ARHGAP8: variants seen among roughly 807,000 people sequenced by gnomAD.
The protein encoded by ARHGAP8 is rho GTPase-activating protein 8.
ARHGAP8 carries 62 observed loss-of-function variants against 46.1 expected under a neutral mutation model. The observed-to-expected ratio is 1.34, with a 90% confidence interval of 1.10 to 1.66. The LOEUF (loss-of-function observed/expected upper bound fraction) is 1.66, where lower values mean the gene tolerates loss of function less well. ARHGAP8 is among the 40% of genes most tolerant of loss of function. The probability of loss-of-function intolerance (pLI) is 0.00; values close to 1 mark genes in which losing one functional copy is unlikely to be tolerated. For synonymous variants in ARHGAP8, 375 were observed against 243.1 expected (o/e 1.54, Z -5.05); for missense variants, 923 against 568.4 (o/e 1.62, Z -6.34).
rs1241305539 is a variant in ARHGAP8 at position 44,860,512 on chromosome 22, C to G, written c.981+678C>G. Among the ~76,000 whole-genome samples the G allele has an allele frequency of 2.0e-5, 3 of 149,154 alleles. No homozygotes were observed. In the Admixed American group the frequency reaches 2.0e-4, roughly 10 times the overall value. The stretch of plus-strand genomic sequence containing the variant: ...GCCATATGTCACTGGGTTTAGGACC[C>G]ACCCAGATGACGCGGGATGATCTCA... On this transcript the variant is annotated intron_variant, in intron 11 of 11. Transcript: ENST00000356099.
chr22:44,821,303 A>G (rs1043494854), intron 5 of ARHGAP8, among the ~76,000 whole-genome samples: 1 of 151,956 alleles, frequency 6.6e-6, no homozygotes, highest in Non-Finnish European at 1.5e-5. Context: ...GGTGGTGTGC[A>G]CCTTAATCCC....
intron 2 of ARHGAP8, among the ~76,000 whole-genome samples, chr22:44,790,721 A>G (rs76161865): frequency 1 from 125,211 of 125,572 alleles, 62,427 homozygotes; most frequent in Middle Eastern, 1. Context: ...GCCCTGGGAA[A>G]GAACCTGGCC....
intron 7 of ARHGAP8, among the ~76,000 whole-genome samples, chr22:44,825,974 C>G (rs1358936109): frequency 1.3e-5 from 2 of 150,042 alleles, no homozygotes; most frequent in Admixed American, 1.3e-4. Context: ...TTGGGGGGAC[C>G]GGCAGTGGGT....
In ARHGAP8 at chr22:44,760,858, T is replaced by G. The variant is rs1357827172; in HGVS notation, c.-72+8231T>G. Among the ~76,000 whole-genome samples, 3 of 152,154 alleles carry G rather than the reference T, an allele frequency of 2.0e-5. No individual in the cohort carries two copies. In the East Asian group the frequency reaches 5.8e-4, roughly 29 times the overall value. The stretch of plus-strand genomic sequence containing the variant: ...GGCCCAGCCCCACAGATGCTGATGG[T>G]GCCTCTGTGTCCTTGTCCCCGACCC... On this transcript the variant is annotated intron_variant, in intron 1 of 11. Coordinates refer to ENST00000356099, the MANE Select transcript of ARHGAP8 (RefSeq NM_181335.3).
intron 11 of ARHGAP8, among the ~76,000 whole-genome samples, chr22:44,861,459 G>A (rs1375955829): frequency 8.5e-6 from 1 of 118,074 alleles, no homozygotes; most frequent in African/African-American, 3.1e-5. Context: ...GGGCTTGGGG[G>A]ACCGGCAGCC....
At chr22:44,787,321 CTTTGTTTTGTTTTGT>C (rs150868916) in intron 2 of ARHGAP8, among the ~76,000 whole-genome samples, 72,845 of 150,638 alleles carry the variant, frequency 0.48, 18,115 homozygotes, top group South Asian at 0.62. Flanking sequence ...TCTTGCGTTG[CTTTGTTTTGTTTTGT>C]TTTGTTTTGT....
chr22:44,842,596 T>C (rs1323423673), intron 7 of ARHGAP8, among the ~76,000 whole-genome samples: 1 of 152,024 alleles, frequency 6.6e-6, no homozygotes, highest in East Asian at 1.9e-4. Flanking sequence ...GAGAGGAAAG[T>C]CCCTCATCCT....
chr22:44,856,560 C>T (rs1346946598), intron 10 of ARHGAP8, among the ~76,000 whole-genome samples: 1 of 146,414 alleles, frequency 6.8e-6, no homozygotes, highest in Non-Finnish European at 1.5e-5. Context: ...AGGCGTGAGC[C>T]ACCGCGCCCG....
chr22:44,831,978 T>C (rs1253600014), intron 7 of ARHGAP8, among the ~76,000 whole-genome samples: 2 of 152,154 alleles, frequency 1.3e-5, no homozygotes, highest in Non-Finnish European at 2.9e-5. Flanking sequence ...TAGTATCAGC[T>C]CGTTAATTTC....
At chr22:44,831,201 G>T (rs186416502) in intron 7 of ARHGAP8, among the ~76,000 whole-genome samples, 79 of 151,934 alleles carry the variant, frequency 5.2e-4, no homozygotes, top group Admixed American at 1.6e-3. Flanking sequence ...TTCTTTTGTC[G>T]CTTGTGCTTT....
At chr22:44,799,027 G>A (rs1928294901) in intron 2 of ARHGAP8, among the ~76,000 whole-genome samples, 1 of 152,188 alleles carries the variant, frequency 6.6e-6, no homozygotes, top group African/African-American at 2.4e-5. Flanking sequence ...GTGCTGGGAG[G>A]AGGGGCTGCA....
intron 1 of ARHGAP8, among the ~76,000 whole-genome samples, chr22:44,782,147 C>CA (rs1271258205): frequency 6.8e-6 from 1 of 146,004 alleles, no homozygotes; most frequent in Non-Finnish European, 1.5e-5. Flanking sequence ...CCAGCCTGGC[C>CA]AATGTGGTGA....
At chr22:44,840,013 C>T (rs146772662) in intron 7 of ARHGAP8, among the ~76,000 whole-genome samples, 29 of 152,292 alleles carry the variant, frequency 1.9e-4, no homozygotes, top group African/African-American at 5.5e-4. Context: ...GTGCACCTGC[C>T]CGCAGTGTCC....
rs780037118 is a variant in ARHGAP8 at position 44,814,703 on chromosome 22, G to C, written c.331G>C (p.Val111Leu). ...YKKNLKALYV[V>L]HPTSFIKVLW... ...GAAGAACTTGAAGGCCCTCTACGTG[G>C]TGCACCCCACCAGCTTCATCAAGGT... The change falls in exon 5 of 12, where the codon GTG becomes CTG. Residue 111 changes from valine (V) to leucine (L), a missense_variant. Transcript: ENST00000356099. The C allele has an allele frequency of 3.1e-6, 5 of 1,613,864 alleles. No individual in the cohort carries two copies. The South Asian group carries it at 5.5e-5, about 18-fold the overall frequency.
chr22:44,792,820 G>GT (rs1485261330), intron 2 of ARHGAP8, among the ~76,000 whole-genome samples: 1 of 119,984 alleles, frequency 8.3e-6, no homozygotes, highest in Non-Finnish European at 1.7e-5. Flanking sequence ...GGTTTTTTTT[G>GT]TTTTTTTGGT....
At chr22:44,847,168 A>G (rs546927453) in intron 8 of ARHGAP8, among the ~76,000 whole-genome samples, 2 of 152,290 alleles carry the variant, frequency 1.3e-5, no homozygotes, top group South Asian at 2.1e-4. Flanking sequence ...AGGCCCCCCA[A>G]GGGCAGGCTC....
chr22:44,783,226 C>T (rs891514932), intron 1 of ARHGAP8, among the ~76,000 whole-genome samples: 2 of 152,160 alleles, frequency 1.3e-5, no homozygotes, highest in Non-Finnish European at 2.9e-5. Context: ...TCTGGCCTGG[C>T]TCTCCCATAG....
intron 2 of ARHGAP8, among the ~76,000 whole-genome samples, chr22:44,794,552 T>C (rs1289165420): frequency 6.6e-6 from 1 of 151,862 alleles, no homozygotes; most frequent in Non-Finnish European, 1.5e-5. Context: ...CTACTAAAAA[T>C]ACAAAAAATT....
At chr22:44,758,512 G>A (rs1924867476) in intron 1 of ARHGAP8, among the ~76,000 whole-genome samples, 1 of 152,188 alleles carries the variant, frequency 6.6e-6, no homozygotes, top group South Asian at 2.1e-4. Context: ...TGAGGAGGTA[G>A]ATTTGAATTG....
Sources: gnomAD v4.1 joint callset for allele counts (sites outside exome capture counted in the v4.1 genomes callset) on GRCh38, gnomAD v4.1.1 for gene constraint, MANE v1.5 for transcripts, NCBI Gene and HGNC (gene_info 2026-07-23, HGNC 2026-07-21) for gene names.